Variants in IGDCC4 observed in about 807,000 individuals in gnomAD.
IGDCC4 encodes immunoglobulin superfamily DCC subclass member 4.
IGDCC4 carries 72 observed loss-of-function variants against 116.6 expected under a neutral mutation model. The observed-to-expected ratio is 0.62, with a 90% CI of 0.51 to 0.75. IGDCC4 has a LOEUF of 0.75. Among genes scored for constraint, IGDCC4 ranks in the 30% least tolerant of loss-of-function variants. IGDCC4 has a pLI of 0.00. For missense variants in IGDCC4, 1,501 were observed against 1,662.4 expected, an observed-to-expected ratio of 0.90 and a Z score of 1.69; for synonymous variants, 709 against 719.9, an observed-to-expected ratio of 0.98 and a Z score of 0.24.
At position 65,384,932 on chromosome 15, in the gene IGDCC4, CCCTT is replaced by C. The variant is rs751674613; in HGVS notation, c.3342+18_3342+21del. 1 of 1,602,088 alleles carries C rather than the reference CCCTT, an allele frequency of 6.2e-7. No individual in the cohort carries two copies. Among genetic ancestry groups the C allele is most frequent in the South Asian group, 1.1e-5 (1 of 90,204 alleles). On this transcript the variant is annotated intron_variant, in intron 19 of 19. Transcript: ENST00000352385. This position sits in a 1 kb window ranked among gnomAD's most constrained non-coding sequence, Gnocchi z 4.9. ...CAGAGACCCTTTCCTCCTTTCCTGCCCCTTCCTTCCAGGACGCTGACCTTTATGG... is the reference window on the plus strand; with the variant it reads ...CAGAGACCCTTTCCTCCTTTCCTGCCCCTTCCAGGACGCTGACCTTTATGG...
At chr15:65,385,457 A>T in intron 18 of IGDCC4, 1 of 517,940 alleles carries the variant, frequency 1.9e-6, no homozygotes, top group Admixed American at 3.4e-5. Context: ...CGAAGGCCTC[A>T]CCTTATCCTG....
intron 3 of IGDCC4, among the ~76,000 whole-genome samples, chr15:65,403,608 T>C (rs968721875): frequency 5.3e-5 from 8 of 152,100 alleles, no homozygotes; most frequent in Non-Finnish European, 1.2e-4. Flanking sequence ...ATCTCACAGG[T>C]GGAGCAGAGT....
chr15:65,396,330 C>T (rs1449838462), intron 6 of IGDCC4, 167 bp from the exon 7 acceptor site: 2 of 783,308 alleles, frequency 2.6e-6, no homozygotes, highest in Non-Finnish European at 4.3e-6. Flanking sequence ...CAGCGCAGAC[C>T]TACCCTTTCT....
chr15:65,410,935 G>A (rs1265846434), intron 2 of IGDCC4, 85 bp downstream of exon 2: 9 of 1,073,204 alleles, frequency 8.4e-6, no homozygotes, highest in Non-Finnish European at 1.2e-5. Flanking sequence ...AGAGGCATTT[G>A]TGCAAGTAAC....
chr15:65,421,985 C>T (rs1033781748), intron 1 of IGDCC4, among the ~76,000 whole-genome samples: 1 of 152,156 alleles, frequency 6.6e-6, no homozygotes, highest in Non-Finnish European at 1.5e-5. Context: ...CTGGATGAGG[C>T]CCTGCTGACC....
intron 3 of IGDCC4, among the ~76,000 whole-genome samples, chr15:65,408,400 G>T (rs1410344150): frequency 2.6e-5 from 4 of 152,176 alleles, no homozygotes; most frequent in Non-Finnish European, 5.9e-5. Context: ...GTGGTGACAG[G>T]CTCCACATTT....
At chr15:65,387,459 C>G (rs2091470651) in intron 16 of IGDCC4, among the ~76,000 whole-genome samples, 1 of 152,196 alleles carries the variant, frequency 6.6e-6, no homozygotes, top group African/African-American at 2.4e-5. Context: ...CGCCATTCTC[C>G]TGCCTCAGCC....
At chr15:65,408,300 C>T (rs965613594) in intron 3 of IGDCC4, among the ~76,000 whole-genome samples, 1 of 152,152 alleles carries the variant, frequency 6.6e-6, no homozygotes, top group Non-Finnish European at 1.5e-5. Context: ...CTCTGGGGGG[C>T]ATCAGGAGTA....
chr15:65,386,483 G>C (rs2091459736), intron 17 of IGDCC4, 68 bp downstream of exon 17: 2 of 1,358,226 alleles, frequency 1.5e-6, no homozygotes, highest in South Asian at 2.5e-5. Context: ...CACTTTCCCT[G>C]ATGGCCCATT....
At chr15:65,386,708 G>A (rs1470746578) in intron 16 of IGDCC4, 52 bp from the exon 17 acceptor site, 1 of 1,415,090 alleles carries the variant, frequency 7.1e-7, no homozygotes, top group Non-Finnish European at 9.8e-7. Context: ...GAAGGGCACA[G>A]GGCATAGATC....
At chr15:65,422,359 CA>C (rs1379385127) in intron 1 of IGDCC4, among the ~76,000 whole-genome samples, 2 of 152,072 alleles carry the variant, frequency 1.3e-5, no homozygotes, top group Non-Finnish European at 2.9e-5. Flanking sequence ...GGTGCAGACA[CA>C]ACCCCAGTTC....
chr15:65,382,449 G>A lies in IGDCC4; in HGVS notation c.*1560C>T, dbSNP rs189817848. 4.0e-5 allele frequency: 6 copies of A among 148,992 alleles called. No individual in the cohort carries two copies. Among genetic ancestry groups the A allele is most frequent in the African/African-American group, 5.0e-5 (2 of 40,228 alleles). The allele number at this position is 148,992 out of a possible 1,614,324, so 9.2% of individuals were successfully genotyped here. The stretch of plus-strand genomic sequence containing the variant: ...AAAGGAAAAATGGACTGGTTATTTC[G>A]AATTTGGCCCAGAAGGCAGAGTTAA... On this transcript the variant is annotated 3_prime_UTR_variant, in exon 20 of 20. Transcript: ENST00000352385.
At chr15:65,408,676 C>A (rs762057775) in intron 3 of IGDCC4, among the ~76,000 whole-genome samples, 2 of 152,172 alleles carry the variant, frequency 1.3e-5, no homozygotes, top group Non-Finnish European at 2.9e-5. Flanking sequence ...AAGGGACTAA[C>A]ATTCTATAAA....
intron 8 of IGDCC4, 119 bp downstream of exon 8, chr15:65,394,975 G>T: frequency 9.0e-7 from 1 of 1,115,254 alleles, no homozygotes; most frequent in Non-Finnish European, 1.3e-6. Context: ...CTCTTACGGG[G>T]CACAAAAGAT....
Position 65,385,017 on chromosome 15 carries a change from C to T in IGDCC4, c.3279G>A (p.Leu1093=), listed in dbSNP as rs2140186669. The change falls in exon 19 of 20, where the codon CTG becomes CTA. Residue 1093 remains leucine, a synonymous_variant. Transcript: ENST00000352385. ...TCTGCCCAGTTCCAGCAGGGGGCAGCAGGGCCCGGGTCAGAGCCGGCCGGG... is the reference window on the plus strand; with the variant it reads ...TCTGCCCAGTTCCAGCAGGGGGCAGTAGGGCCCGGGTCAGAGCCGGCCGGG... ...AGPRPALTRA[L]LPPAGTGQTL... 1.2e-6 allele frequency: 2 copies of T among 1,609,528 alleles called. No individual in the cohort carries two copies. The highest frequency in any genetic ancestry group is 2.7e-5 in the African/African-American group (2 of 74,728).
intron 1 of IGDCC4, 123 bp downstream of exon 1, chr15:65,422,670 C>A: frequency 1.3e-6 from 1 of 748,240 alleles, no homozygotes; most frequent in Non-Finnish European, 1.8e-6. Flanking sequence ...GGCACCTGGA[C>A]GCGCAGCCCC....
intron 12 of IGDCC4, among the ~76,000 whole-genome samples, chr15:65,391,584 C>G: frequency 6.6e-6 from 1 of 152,256 alleles, no homozygotes; most frequent in East Asian, 1.9e-4. Context: ...AACTTGGGGT[C>G]GGGAGTTACT....
chr15:65,386,137 G>T, intron 17 of IGDCC4, 78 bp from the exon 18 acceptor site: 1 of 927,208 alleles, frequency 1.1e-6, no homozygotes, highest in Non-Finnish European at 1.6e-6. Flanking sequence ...TCCAGCCTAT[G>T]TCTCTGGGGA....
chr15:65,415,706 G>T (rs1470492282), intron 1 of IGDCC4, among the ~76,000 whole-genome samples: 1 of 152,134 alleles, frequency 6.6e-6, no homozygotes, highest in Non-Finnish European at 1.5e-5. Flanking sequence ...ACTTTTTGGG[G>T]ATGAACCAGC....
Sources: allele counts gnomAD v4.1 joint callset (sites outside exome capture counted in the v4.1 genomes callset), GRCh38; gene constraint gnomAD v4.1.1; non-coding constraint Gnocchi (gnomAD v3.1); transcripts MANE v1.5; gene names NCBI Gene and HGNC (gene_info 2026-07-23, HGNC 2026-07-21).